Variants in FCRLB observed in about 807,000 individuals in gnomAD.
FCRLB encodes the protein Fc receptor-like B.
FCRLB carries 34 observed loss-of-function variants against 33.6 expected under a neutral mutation model. That is an observed-to-expected ratio of 1.01 (90% CI 0.77 to 1.35). FCRLB has a LOEUF of 1.35. Ranked by LOEUF, FCRLB falls within the 40% of genes most tolerant of loss-of-function variation. The pLI, the probability that FCRLB is intolerant of heterozygous loss-of-function variation, is 0.00. For synonymous variants in FCRLB, 280 were observed against 255.9 expected, an observed-to-expected ratio of 1.09 and a Z score of -0.90; for missense variants, 560 against 580.2, an observed-to-expected ratio of 0.97 and a Z score of 0.36.
exon 5 of FCRLB, chr1:161,723,504 G>A (rs1420206906): frequency 1.2e-6 from 2 of 1,614,110 alleles, no homozygotes; most frequent in Non-Finnish European, 1.7e-6. Flanking sequence ...CTGGTATTTG[G>A]GCCACCTACT....
rs1360157315 is a variant in FCRLB at position 161,726,335 on chromosome 1, A to T, written c.574+248A>T. 2.6e-6 allele frequency: 2 copies of T among 774,326 alleles called. No homozygotes were observed. Among genetic ancestry groups the T allele is most frequent in the Non-Finnish European group, 4.4e-6 (2 of 453,272 alleles). 48.0% of individuals were successfully genotyped at this position (774,326 alleles called of 1,614,324 possible). On this transcript the variant is annotated intron_variant, in intron 6 of 7. Coordinates refer to ENST00000367948, the Ensembl canonical transcript of FCRLB. The surrounding 1 kb of genome is among the most constrained non-coding windows in gnomAD (Gnocchi z 5.2). ...ACTCTGGCTGGGGACTCCCACAGAG[A>T]GGGCAGCTCTGGCAGGGGCAGGGGC...
At chr1:161,727,271 C>G (rs1001831276) in exon 8 of FCRLB, 2 of 1,609,216 alleles carry the variant, frequency 1.2e-6, no homozygotes, top group Admixed American at 3.4e-5. Context: ...CCGGCCTCCA[C>G]CACCGCCCCA....
At chr1:161,727,356 C>T in exon 8 of FCRLB, 1 of 1,613,804 alleles carries the variant, frequency 6.2e-7, no homozygotes. Context: ...CCAGATCGGT[C>T]CCGTTGGTCA....
intron 5 of FCRLB, 146 bp from the exon 6 acceptor site, chr1:161,725,675 A>AAAAAG (rs1006283516): frequency 2.3e-5 from 25 of 1,070,064 alleles, no homozygotes; most frequent in South Asian, 6.7e-5. Context: ...AAAAAGAAAG[A>AAAAAG]AAAAGAAAAG....
Position 161,726,608 on chromosome 1 carries a change from T to C in FCRLB, c.575-95T>C. On this transcript the variant is annotated intron_variant, in intron 6 of 7. Transcript: ENST00000367948. The surrounding 1 kb of genome is among the most constrained non-coding windows in gnomAD (Gnocchi z 5.2). Reference sequence around the variant, plus strand: ...GGCCTCCTCCCCTCCCCCCTTGGTCTGTGGGTCTGCAAGGAGCCCTCGCGG... The same window carrying C: ...GGCCTCCTCCCCTCCCCCCTTGGTCCGTGGGTCTGCAAGGAGCCCTCGCGG... The C allele has an allele frequency of 6.7e-7, 1 of 1,501,772 alleles. No homozygotes were observed. The highest frequency in any genetic ancestry group is 9.0e-7 in the Non-Finnish European group (1 of 1,116,076). The allele number at this position is 1,501,772 out of a possible 1,614,324, so 93.0% of individuals were successfully genotyped here.
At chr1:161,725,902 A>G (rs769556673) in exon 6 of FCRLB, 1 of 1,614,202 alleles carries the variant, frequency 6.2e-7, no homozygotes, top group East Asian at 2.2e-5. Flanking sequence ...TGGTACGACA[A>G]GGTGGTCTAC....
chr1:161,726,213 T>C lies in FCRLB; in HGVS notation c.574+126T>C, dbSNP rs932574215. On this transcript the variant is annotated intron_variant, in intron 6 of 7. Coordinates refer to ENST00000367948, the Ensembl canonical transcript of FCRLB. This position sits in a 1 kb window ranked among gnomAD's most constrained non-coding sequence, Gnocchi z 5.2. ...GCCACTTGGAGGGTTTCTCTTAGACTATGGACGCTGTCTCCTCTCCTTTGC... is the reference window on the plus strand; with the variant it reads ...GCCACTTGGAGGGTTTCTCTTAGACCATGGACGCTGTCTCCTCTCCTTTGC... 23 of 1,448,782 alleles carry C rather than the reference T, an allele frequency of 1.6e-5. No homozygotes were observed. The highest frequency in any genetic ancestry group is 1.8e-5 in the Admixed American group (1 of 54,862). The allele number at this position is 1,448,782 out of a possible 1,614,324, so 89.7% of individuals were successfully genotyped here. A position where few individuals can be genotyped will look rare whatever the true frequency, so the allele number is the denominator to read the frequency against.
At chr1:161,727,031 C>A (rs757615361) in intron 7 of FCRLB, 38 bp downstream of exon 7, 2 of 1,462,226 alleles carry the variant, frequency 1.4e-6, no homozygotes, top group Non-Finnish European at 9.0e-7. Context: ...CCGACCCTGG[C>A]GGTCAGCCCT....
rs771566101 is a variant in FCRLB, at chr1:161,722,650, C to T, written c.-20-3C>T. 6.2e-7 allele frequency: 1 copy of T among 1,613,902 alleles called. No individual in the cohort carries two copies. Among genetic ancestry groups the T allele is most frequent in the Non-Finnish European group, 8.5e-7 (1 of 1,179,824 alleles). On this transcript the variant is annotated splice_region_variant and splice_polypyrimidine_tract_variant and intron_variant, in intron 2 of 7. Coordinates refer to ENST00000367948, the Ensembl canonical transcript of FCRLB. Reference sequence around the variant, plus strand: ...ATGCCAGTGCATCTCCATCCTTCTGCAGCTGCTGCAGTCAGATCCATCATG... The same window carrying T: ...ATGCCAGTGCATCTCCATCCTTCTGTAGCTGCTGCAGTCAGATCCATCATG...
exon 8 of FCRLB, chr1:161,727,730 T>C (rs1683651165): frequency 6.7e-7 from 1 of 1,481,844 alleles, no homozygotes. Context: ...CACGCGAATT[T>C]CTTTCAAAGC....
rs1226352704 is a variant in FCRLB at position 161,722,661 on chromosome 1, G to T, written c.-12G>T. ...TCTCCATCCTTCTGCAGCTGCTGCAGTCAGATCCATCATGTGGCCACTGAC... is the reference window on the plus strand; with the variant it reads ...TCTCCATCCTTCTGCAGCTGCTGCATTCAGATCCATCATGTGGCCACTGAC... On this transcript the variant is annotated 5_prime_UTR_variant, in exon 3 of 8. Coordinates refer to ENST00000367948, the Ensembl canonical transcript of FCRLB. 1.9e-6 allele frequency: 3 copies of T among 1,614,012 alleles called. No individual in the cohort carries two copies. In the South Asian group the frequency reaches 3.3e-5, roughly 18 times the overall value.
chr1:161,723,686 T>C (rs1056895156), intron 5 of FCRLB, 65 bp downstream of exon 5: 7 of 1,570,480 alleles, frequency 4.5e-6, no homozygotes, highest in Non-Finnish European at 6.0e-6. Flanking sequence ...AGTCCTCTGG[T>C]GGGAGGGAAC....
At chr1:161,723,614 A>G in exon 5 of FCRLB, 1 of 1,613,896 alleles carries the variant, frequency 6.2e-7, no homozygotes, top group East Asian at 2.2e-5. Context: ...ACCTCTCTGT[A>G]TCCAATGGTG....
At chr1:161,725,340 G>A (rs562371676) in intron 5 of FCRLB, among the ~76,000 whole-genome samples, 2 of 152,256 alleles carry the variant, frequency 1.3e-5, no homozygotes, top group South Asian at 2.1e-4. Context: ...AGGCCTGTCC[G>A]CTCAAGAAAG....
intron 7 of FCRLB, 44 bp downstream of exon 7, chr1:161,727,037 G>C (rs991632825): frequency 6.9e-7 from 1 of 1,452,724 alleles, no homozygotes; most frequent in East Asian, 2.5e-5. Context: ...CTGGCGGTCA[G>C]CCCTGCTTCC....
chr1:161,723,511 T>A, exon 5 of FCRLB: 1 of 1,614,202 alleles, frequency 6.2e-7, no homozygotes, highest in Non-Finnish European at 8.5e-7. Context: ...TTGGGCCACC[T>A]ACTTCTGCCC....
At chr1:161,723,159 A>T (rs1683428957) in intron 4 of FCRLB, 150 bp downstream of exon 4, 1 of 1,186,718 alleles carries the variant, frequency 8.4e-7, no homozygotes, top group Admixed American at 2.0e-5. Context: ...ATTTGCTTGA[A>T]GGCATTTAGA....
chr1:161,727,731 C>T, exon 8 of FCRLB: 1 of 1,477,770 alleles, frequency 6.8e-7, no homozygotes, highest in Non-Finnish European at 9.0e-7. Context: ...ACGCGAATTT[C>T]TTTCAAAGCC....
chr1:161,724,309 G>C (rs1040033382), intron 5 of FCRLB, among the ~76,000 whole-genome samples: 93 of 151,988 alleles, frequency 6.1e-4, no homozygotes, highest in African/African-American at 2.2e-3. Context: ...GTACAGGATT[G>C]CTGGGCACGG....
Sources: allele counts gnomAD v4.1 joint callset (sites outside exome capture counted in the v4.1 genomes callset), GRCh38; gene constraint gnomAD v4.1.1; non-coding constraint Gnocchi (gnomAD v3.1); transcripts MANE v1.5; gene names NCBI Gene and HGNC (gene_info 2026-07-23, HGNC 2026-07-21).